Variants in CSMD3 observed in about 807,000 individuals in gnomAD.
CSMD3 encodes CUB and sushi domain-containing protein 3.
A neutral mutation model predicts 435.2 loss-of-function variants in CSMD3; 177 were observed. The ratio of observed to expected loss-of-function variants is 0.41; its 90% CI spans 0.36 to 0.46. The LOEUF is 0.46. CSMD3 is among the 20% of genes least tolerant of loss of function. CSMD3 has a pLI of 0.34. For missense variants in CSMD3, 4,265 were observed against 4,504.6 expected, an observed-to-expected ratio of 0.95 and a Z score of 1.52; for synonymous variants, 1,656 against 1,520.5, an observed-to-expected ratio of 1.09 and a Z score of -2.07.
At chr8:113,234,699 G>C (rs1354763124) in intron 3 of CSMD3, among the ~76,000 whole-genome samples, 1 of 152,086 alleles carries the variant, frequency 6.6e-6, no homozygotes, top group Non-Finnish European at 1.5e-5. Flanking sequence ...ACCACCACTA[G>C]AAGGCAAGTC....
intron 9 of CSMD3, among the ~76,000 whole-genome samples, chr8:112,930,194 T>C (rs931763934): frequency 3.9e-5 from 6 of 152,128 alleles, no homozygotes; most frequent in African/African-American, 1.4e-4. Context: ...AAGGCAAGGT[T>C]AACATCTCAT....
chr8:112,224,158 T>C lies in CSMD3; in HGVS notation c.*613A>G, dbSNP rs995546780. On this transcript the variant is annotated 3_prime_UTR_variant, in exon 71 of 71. Coordinates refer to ENST00000297405, the MANE Select transcript of CSMD3 (RefSeq NM_198123.2). ...CCAGTCTAAAAGAAGAAGAGCAATA[T>C]GATGCTAAAGAAATAGAAAGATTCA... 10 of 155,180 alleles carry C rather than the reference T, an allele frequency of 6.4e-5. No individual in the cohort carries two copies. The highest frequency in any genetic ancestry group is 1.9e-4 in the African/African-American group (8 of 41,434). The allele number at this position is 155,180 out of a possible 1,614,324, so 9.6% of individuals were successfully genotyped here. A position where few individuals can be genotyped will look rare whatever the true frequency, so the allele number is the denominator to read the frequency against.
intron 6 of CSMD3, among the ~76,000 whole-genome samples, chr8:112,998,551 C>T (rs1057299519): frequency 2.0e-5 from 3 of 152,054 alleles, no homozygotes; most frequent in Middle Eastern, 3.4e-3. Flanking sequence ...TATTGAAAAA[C>T]ACTCTCTCCA....
At chr8:112,588,165 T>G (rs1424760954) in intron 22 of CSMD3, among the ~76,000 whole-genome samples, 1 of 151,618 alleles carries the variant, frequency 6.6e-6, no homozygotes, top group East Asian at 1.9e-4. Flanking sequence ...TTTCAAATAT[T>G]TAACTGAAAA....
intron 35 of CSMD3, among the ~76,000 whole-genome samples, chr8:112,405,204 A>C (rs1262138226): frequency 3.1e-4 from 10 of 32,728 alleles, no homozygotes; most frequent in Middle Eastern, 0.012. Flanking sequence ...AAAAAAAAAA[A>C]AAAAACCCCC....
intron 65 of CSMD3, among the ~76,000 whole-genome samples, chr8:112,242,412 G>A (rs768780732): frequency 6.6e-6 from 1 of 151,994 alleles, no homozygotes; most frequent in Non-Finnish European, 1.5e-5. Context: ...ATGTGATTTC[G>A]GCAAATGTTG....
intron 1 of CSMD3, among the ~76,000 whole-genome samples, chr8:113,386,539 G>A (rs116039620): frequency 0.012 from 1,779 of 151,806 alleles, 47 homozygotes; most frequent in African/African-American, 0.041. Flanking sequence ...GGCATATTCT[G>A]TTAGAATTGA....
chr8:112,762,279 G>A (rs1246781673), intron 13 of CSMD3, among the ~76,000 whole-genome samples: 1 of 151,838 alleles, frequency 6.6e-6, no homozygotes, highest in Non-Finnish European at 1.5e-5. Context: ...CCCATATTGG[G>A]AAAATTCTTT....
intron 60 of CSMD3, among the ~76,000 whole-genome samples, chr8:112,264,243 T>A (rs1816722549): frequency 6.6e-6 from 1 of 152,200 alleles, no homozygotes; most frequent in Non-Finnish European, 1.5e-5. Flanking sequence ...TTCTGTGACA[T>A]TTTTGAAAAC....
At chr8:112,845,943 A>G (rs1294916313) in intron 11 of CSMD3, among the ~76,000 whole-genome samples, 1 of 152,030 alleles carries the variant, frequency 6.6e-6, no homozygotes, top group Non-Finnish European at 1.5e-5. Flanking sequence ...GTCACTAGCA[A>G]AAGCCTGGAA....
intron 32 of CSMD3, among the ~76,000 whole-genome samples, chr8:112,452,930 C>T (rs1451843581): frequency 1.3e-5 from 2 of 152,100 alleles, no homozygotes; most frequent in East Asian, 3.9e-4. Flanking sequence ...AAGAGAAAAG[C>T]AATGGCCTAA....
chr8:113,181,997 T>C (rs543946766), intron 3 of CSMD3, among the ~76,000 whole-genome samples: 79 of 152,190 alleles, frequency 5.2e-4, no homozygotes, highest in African/African-American at 1.8e-3. Flanking sequence ...TCAACAAATA[T>C]GAAGACTGAG....
intron 3 of CSMD3, among the ~76,000 whole-genome samples, chr8:113,226,246 A>T (rs2093027237): frequency 6.6e-6 from 1 of 151,544 alleles, no homozygotes; most frequent in Non-Finnish European, 1.5e-5. Flanking sequence ...TTTTCCTCAT[A>T]AGAAGGAGGA....
chr8:113,308,429 C>T (rs1441209743), intron 2 of CSMD3, among the ~76,000 whole-genome samples: 1 of 151,638 alleles, frequency 6.6e-6, no homozygotes, highest in African/African-American at 2.4e-5. Context: ...ACACCACGCC[C>T]GGCTGATTTT....
intron 13 of CSMD3, among the ~76,000 whole-genome samples, chr8:112,740,433 ACT>A (rs1488049140): frequency 6.6e-6 from 1 of 151,408 alleles, no homozygotes; most frequent in Non-Finnish European, 1.5e-5. Flanking sequence ...GACCTTCCTC[ACT>A]CTTTTTTATA....
At chr8:113,027,368 T>G (rs2086912410) in intron 5 of CSMD3, among the ~76,000 whole-genome samples, 1 of 152,146 alleles carries the variant, frequency 6.6e-6, no homozygotes, top group Non-Finnish European at 1.5e-5. Flanking sequence ...TGTTGTGTTG[T>G]GCGGGGTACT....
chr8:112,505,672 G>T (rs1023197742), intron 29 of CSMD3, among the ~76,000 whole-genome samples: 3 of 151,728 alleles, frequency 2.0e-5, no homozygotes, highest in African/African-American at 7.3e-5. Context: ...TAGAGTCTTA[G>T]TTATTACGTT....
chr8:112,307,699 T>A (rs183188532), intron 50 of CSMD3, among the ~76,000 whole-genome samples: 39 of 152,336 alleles, frequency 2.6e-4, no homozygotes, highest in African/African-American at 9.1e-4. Context: ...ATGTAATAAC[T>A]GATAGATATA....
intron 13 of CSMD3, among the ~76,000 whole-genome samples, chr8:112,758,458 A>G (rs973384610): frequency 2.6e-5 from 4 of 152,192 alleles, no homozygotes; most frequent in African/African-American, 9.6e-5. Context: ...TATATTTCTA[A>G]TATAAATTAA....
Sources: gnomAD v4.1 joint callset for allele counts (sites outside exome capture counted in the v4.1 genomes callset) on GRCh38, gnomAD v4.1.1 for gene constraint, MANE v1.5 for transcripts, NCBI Gene and HGNC (gene_info 2026-07-23, HGNC 2026-07-21) for gene names.